The following MAST4 variants were observed in gnomAD, a reference collection of about 807,000 sequenced individuals.
MAST4 encodes the protein microtubule associated serine/threonine kinase family member 4.
MAST4 carries 89 observed loss-of-function variants against 162.7 expected under a neutral mutation model. The ratio of observed to expected loss-of-function variants is 0.55; its 90% confidence interval spans 0.46 to 0.65. MAST4 has a LOEUF of 0.65. MAST4 is among the 30% of genes least tolerant of loss of function. The probability of loss-of-function intolerance (pLI) is 0.00; values close to 1 mark genes in which losing one functional copy is unlikely to be tolerated. For missense variants in MAST4, 3,153 were observed against 3,374.0 expected, an observed-to-expected ratio of 0.93 and a Z score of 1.62; for synonymous variants, 1,479 against 1,361.1, an observed-to-expected ratio of 1.09 and a Z score of -1.91.
intron 1 of MAST4, among the ~76,000 whole-genome samples, chr5:66,679,824 T>C (rs1748213044): frequency 6.6e-6 from 1 of 152,178 alleles, no homozygotes; most frequent in Non-Finnish European, 1.5e-5. Flanking sequence ...ACAACTATTA[T>C]TTGGCTCTAA....
At chr5:66,744,143 G>T (rs1447658079) in intron 1 of MAST4, among the ~76,000 whole-genome samples, 1 of 151,748 alleles carries the variant, frequency 6.6e-6, no homozygotes, top group Non-Finnish European at 1.5e-5. Flanking sequence ...AGCTCAAATG[G>T]CCCAGTGCCC....
intron 3 of MAST4, among the ~76,000 whole-genome samples, chr5:66,877,733 A>G (rs1761402169): frequency 6.6e-6 from 1 of 152,186 alleles, no homozygotes; most frequent in African/African-American, 2.4e-5. Context: ...AGCTTGATGA[A>G]TTTCCACAAA....
In MAST4 at chr5:67,163,874, T is replaced by G. The variant is rs1773532528; in HGVS notation, c.4695T>G (p.Ala1565=). 6.2e-7 allele frequency: 1 copy of G among 1,613,924 alleles called. No individual in the cohort carries two copies. The highest frequency in any genetic ancestry group is 1.7e-5 in the Admixed American group (1 of 60,030). The change falls in exon 29 of 29, where the codon GCT becomes GCG. Residue 1565 remains alanine (A), a synonymous_variant. Transcript: ENST00000403625. The surrounding 1 kb of genome is among the most constrained non-coding windows in gnomAD (Gnocchi z 7.0). ...HGPGSDLENF[A]LFKLEEREKK... ...CCGGGAGTGATTTGGAAAACTTTGC[T>G]CTGTTTAAGCTGGAAGAGAGAGAGA...
chr5:67,126,631 G>A (rs1330554440), intron 14 of MAST4, among the ~76,000 whole-genome samples: 1 of 152,134 alleles, frequency 6.6e-6, no homozygotes, highest in Non-Finnish European at 1.5e-5. Context: ...GTACCATGCT[G>A]TTTTTCTTAT....
chr5:66,654,411 G>A (rs917303712), intron 1 of MAST4, among the ~76,000 whole-genome samples: 1 of 152,114 alleles, frequency 6.6e-6, no homozygotes, highest in Non-Finnish European at 1.5e-5. Context: ...TTCATAAAAG[G>A]TCTGGGAGCC....
rs1383400822 is a variant in MAST4 at position 67,142,404 on chromosome 5, C to G, written c.2618-17C>G. 1.3e-6 allele frequency: 2 copies of G among 1,571,920 alleles called. No individual in the cohort carries two copies. Among genetic ancestry groups the G allele is most frequent in the Non-Finnish European group, 1.7e-6 (2 of 1,154,330 alleles). On this transcript the variant is annotated splice_polypyrimidine_tract_variant and intron_variant, in intron 20 of 28. Transcript: ENST00000403625. The stretch of plus-strand genomic sequence containing the variant: ...AAATCTGAGTAATTGGACCTGTTCC[C>G]AAACATTTCACTGCAGCTCGGTCTG...
chr5:66,641,605 A>G (rs1454932828), intron 1 of MAST4, among the ~76,000 whole-genome samples: 2 of 152,222 alleles, frequency 1.3e-5, no homozygotes, highest in East Asian at 1.9e-4. Context: ...GCTTTCTGGG[A>G]GAAATGGCTG....
intron 4 of MAST4, among the ~76,000 whole-genome samples, chr5:66,931,802 G>A (rs17812781): frequency 0.067 from 10,235 of 152,022 alleles, 399 homozygotes; most frequent in African/African-American, 0.098. Flanking sequence ...TTTCCCCAGC[G>A]CAGGACTATA....
At chr5:66,917,122 A>C in intron 4 of MAST4, 1 of 693,060 alleles carries the variant, frequency 1.4e-6, no homozygotes, top group Non-Finnish European at 2.7e-6. Flanking sequence ...CCAGCACTGG[A>C]TGTCACTGCC....
intron 4 of MAST4, among the ~76,000 whole-genome samples, chr5:67,003,252 A>T (rs1316060143): frequency 6.6e-6 from 1 of 152,150 alleles, no homozygotes; most frequent in Non-Finnish European, 1.5e-5. Flanking sequence ...AATTGAGAAA[A>T]TAATGCCTTC....
chr5:66,649,958 C>G (rs149334154), intron 1 of MAST4, among the ~76,000 whole-genome samples: 1 of 152,118 alleles, frequency 6.6e-6, no homozygotes, highest in South Asian at 2.1e-4. Context: ...TTCTCACTTT[C>G]AGGGCCTATA....
chr5:66,648,021 T>G (rs77618816), intron 1 of MAST4, among the ~76,000 whole-genome samples: 170 of 150,118 alleles, frequency 1.1e-3, no homozygotes, highest in Non-Finnish European at 2.1e-3. Context: ...TGTAGGCCTG[T>G]GTGTGTTAGG....
At chr5:66,861,342 G>T (rs1835136) in intron 3 of MAST4, among the ~76,000 whole-genome samples, 24,693 of 152,214 alleles carry the variant, frequency 0.16, 2,182 homozygotes, top group Admixed American at 0.23. Context: ...AGCCTTCTTT[G>T]TGCCACTAAT....
At chr5:66,606,530 A>G (rs1742894173) in intron 1 of MAST4, among the ~76,000 whole-genome samples, 1 of 152,220 alleles carries the variant, frequency 6.6e-6, no homozygotes, top group Non-Finnish European at 1.5e-5. Flanking sequence ...AGCTGAAGTT[A>G]GCAAAATAAG....
At chr5:66,951,274 C>T (rs922969100) in intron 4 of MAST4, among the ~76,000 whole-genome samples, 6 of 152,118 alleles carry the variant, frequency 3.9e-5, no homozygotes, top group Non-Finnish European at 5.9e-5. Context: ...CCATGTTATC[C>T]TAAGAAAAGG....
At chr5:67,065,427 T>C (rs1391611585) in intron 5 of MAST4, among the ~76,000 whole-genome samples, 1 of 152,206 alleles carries the variant, frequency 6.6e-6, no homozygotes, top group Non-Finnish European at 1.5e-5. Flanking sequence ...AGAGACTGTC[T>C]TCCTCCAGTC....
intron 3 of MAST4, among the ~76,000 whole-genome samples, chr5:66,894,541 C>T (rs1287246575): frequency 6.6e-6 from 1 of 152,204 alleles, no homozygotes; most frequent in Non-Finnish European, 1.5e-5. Context: ...TACTGCCTTA[C>T]ACATCTTGGC....
chr5:66,599,823 T>G (rs1378274297), intron 1 of MAST4, among the ~76,000 whole-genome samples: 1 of 152,186 alleles, frequency 6.6e-6, no homozygotes, highest in Non-Finnish European at 1.5e-5. Context: ...GCACTGAGTA[T>G]AAAGCATTAA....
intron 1 of MAST4, among the ~76,000 whole-genome samples, chr5:66,660,618 A>C (rs1339736114): frequency 6.6e-6 from 1 of 152,228 alleles, no homozygotes; most frequent in Non-Finnish European, 1.5e-5. Flanking sequence ...TGGTAAATAC[A>C]GTAAAGCTGG....
Sources: allele counts gnomAD v4.1 joint callset (sites outside exome capture counted in the v4.1 genomes callset), GRCh38; gene constraint gnomAD v4.1.1; non-coding constraint Gnocchi (gnomAD v3.1); transcripts MANE v1.5; gene names NCBI Gene and HGNC (gene_info 2026-07-23, HGNC 2026-07-21).